TRPM1: variants seen among roughly 807,000 people sequenced by gnomAD.
The protein encoded by TRPM1 is TRPM1-203 APA Isoform, Intron 10.
In TRPM1, 113 loss-of-function variants were observed where a neutral mutation model predicts 149.4. The ratio of observed to expected loss-of-function variants is 0.76; its 90% confidence interval spans 0.65 to 0.88. The LOEUF (loss-of-function observed/expected upper bound fraction) is 0.88, where lower values mean the gene tolerates loss of function less well. TRPM1 is among the 40% of genes least tolerant of loss of function. The probability of loss-of-function intolerance (pLI) is 0.00; values close to 1 mark genes in which losing one functional copy is unlikely to be tolerated. For synonymous variants in TRPM1, 741 were observed against 759.5 expected, an observed-to-expected ratio of 0.98 and a Z score of 0.40; for missense variants, 1,976 against 2,038.7, an observed-to-expected ratio of 0.97 and a Z score of 0.59.
At chr15:31,057,128 G>A (rs1199827890) in intron 11 of TRPM1, among the ~76,000 whole-genome samples, 3 of 152,180 alleles carry the variant, frequency 2.0e-5, no homozygotes, top group African/African-American at 7.2e-5. Flanking sequence ...GAAGATGGGG[G>A]TAGGAACTCA....
At chr15:31,060,118 T>TACAGACAC in intron 11 of TRPM1, 1 of 126,122 alleles carries the variant, frequency 7.9e-6, no homozygotes, top group Non-Finnish European at 1.5e-5. Context: ...TATACACACA[T>TACAGACAC]ACAGACACAC....
chr15:31,140,212 C>CAAAA lies in TRPM1; in HGVS notation c.54+20690_54+20693dup, dbSNP rs34651089. Among the ~76,000 whole-genome samples, 209 of 103,178 alleles carry CAAAA rather than the reference C, an allele frequency of 2.0e-3. 2 individuals carry two copies. The highest frequency in any genetic ancestry group is 5.3e-3 in the Admixed American group (50 of 9,514). The allele number at this position is 103,178 out of a possible 152,430, so 67.7% of individuals were successfully genotyped here. Reference sequence around the variant, plus strand: ...TGAAACTCTGTCTCTACTAAAAATACAAAAAAAAAAAAAAAAATTAGCCGG... The same window carrying CAAAA: ...TGAAACTCTGTCTCTACTAAAAATACAAAAAAAAAAAAAAAAAAAAATTAGCCGG... On this transcript the variant is annotated intron_variant, in intron 1 of 26. Transcript: ENST00000542188.
At chr15:31,113,068 G>A (rs997353067) in intron 1 of TRPM1, among the ~76,000 whole-genome samples, 1 of 152,166 alleles carries the variant, frequency 6.6e-6, no homozygotes, top group Non-Finnish European at 1.5e-5. Flanking sequence ...GCTGGAGCAG[G>A]TTCCTGACAG....
At chr15:31,088,728 G>A (rs907961059) in intron 1 of TRPM1, among the ~76,000 whole-genome samples, 10 of 151,454 alleles carry the variant, frequency 6.6e-5, no homozygotes, top group African/African-American at 2.2e-4. Context: ...TGACTGAAGC[G>A]GCGGTATTCG....
chr15:31,102,297 C>T (rs764189558), upstream of TRPM1, among the ~76,000 whole-genome samples: 2 of 152,194 alleles, frequency 1.3e-5, no homozygotes, highest in African/African-American at 2.4e-5. Flanking sequence ...AAAACCACCA[C>T]GGTGGGAGCT....
Position 31,001,494 on chromosome 15 carries a change from T to C in TRPM1, c.*328A>G. Reference sequence around the variant, plus strand: ...GTTGCTTACTTCTTAAGTGACCTAATGGTGACTTCAGTGCTCGAGGGCACT... The same window carrying C: ...GTTGCTTACTTCTTAAGTGACCTAACGGTGACTTCAGTGCTCGAGGGCACT... On this transcript the variant is annotated 3_prime_UTR_variant, in exon 28 of 28. Coordinates refer to ENST00000256552, the MANE Select transcript of TRPM1 (RefSeq NM_001252024.2). The C allele has an allele frequency of 2.9e-6, 1 of 339,050 alleles. No individual in the cohort carries two copies. The highest frequency in any genetic ancestry group is 5.5e-6 in the Non-Finnish European group (1 of 183,118). 21.0% of individuals were successfully genotyped at this position (339,050 alleles called of 1,614,324 possible). A position where few individuals can be genotyped will look rare whatever the true frequency, so the allele number is the denominator to read the frequency against.
intron 25 of TRPM1, among the ~76,000 whole-genome samples, chr15:31,027,930 GA>G (rs199690310): frequency 0.048 from 7,345 of 151,922 alleles, 229 homozygotes; most frequent in South Asian, 0.13. Flanking sequence ...TAAATGATCA[GA>G]AAAAAATGCT....
chr15:31,105,992 T>C (rs940477287), upstream of TRPM1, among the ~76,000 whole-genome samples: 1 of 152,268 alleles, frequency 6.6e-6, no homozygotes, highest in East Asian at 1.9e-4. Flanking sequence ...GGAATTAGTT[T>C]TTAAATATAA....
chr15:31,110,873 T>C (rs1206935594), intron 1 of TRPM1, among the ~76,000 whole-genome samples: 1 of 151,132 alleles, frequency 6.6e-6, no homozygotes, highest in East Asian at 1.9e-4. Context: ...CTTTTCTTTC[T>C]TCTTTCTTTC....
At chr15:31,108,219 C>T (rs894612542) in intron 1 of TRPM1, among the ~76,000 whole-genome samples, 1 of 152,114 alleles carries the variant, frequency 6.6e-6, no homozygotes, top group African/African-American at 2.4e-5. Context: ...ACATACTTTG[C>T]ATGGCTTTAA....
In TRPM1 at chr15:31,077,676, G is replaced by A. The variant is rs150664588; in HGVS notation, c.4-692C>T. On this transcript the variant is annotated intron_variant, in intron 2 of 27. Transcript: ENST00000256552. Reference sequence around the variant, plus strand: ...GGCAGGGAGAGAGCCAGCACCCTTCGCTGGATCTCCATGAGGCCTGGCTCA... The same window carrying A: ...GGCAGGGAGAGAGCCAGCACCCTTCACTGGATCTCCATGAGGCCTGGCTCA... Among the ~76,000 whole-genome samples the A allele has an allele frequency of 1.4e-3, 208 of 152,212 alleles. 1 individual carries two copies. The highest frequency in any genetic ancestry group is 4.7e-3 in the African/African-American group (196 of 41,522).
intron 1 of TRPM1, among the ~76,000 whole-genome samples, chr15:31,113,001 G>C (rs1256675977): frequency 6.6e-6 from 1 of 152,178 alleles, no homozygotes; most frequent in Admixed American, 6.5e-5. Context: ...AACCATCTGA[G>C]GTGCCGGTAA....
chr15:31,061,651 T>C, intron 9 of TRPM1, 137 bp from the exon 10 acceptor site: 1 of 731,102 alleles, frequency 1.4e-6, no homozygotes, highest in Admixed American at 2.5e-5. Context: ...GCAAGTGCTG[T>C]TGATTTCTTT....
chr15:31,085,953 G>A (rs970073759), intron 1 of TRPM1, among the ~76,000 whole-genome samples: 1 of 152,204 alleles, frequency 6.6e-6, no homozygotes, highest in African/African-American at 2.4e-5. Context: ...ACTGATGGGT[G>A]TAGGATGTCC....
At chr15:31,113,279 C>T (rs930899159) in intron 1 of TRPM1, among the ~76,000 whole-genome samples, 1 of 152,202 alleles carries the variant, frequency 6.6e-6, no homozygotes, top group African/African-American at 2.4e-5. Flanking sequence ...CTGATTCTGC[C>T]TGCTCCTCCC....
At chr15:31,155,185 G>A (rs1226949942) in intron 1 of TRPM1, among the ~76,000 whole-genome samples, 2 of 152,120 alleles carry the variant, frequency 1.3e-5, no homozygotes, top group East Asian at 1.9e-4. Context: ...CACTCTCTGG[G>A]AAATGGAGGT....
In TRPM1 at chr15:31,029,581, TAGA is replaced by T. The variant is rs1415594097; in HGVS notation, c.3128-193_3128-191del. Among the ~76,000 whole-genome samples the T allele has an allele frequency of 3.9e-5, 6 of 152,240 alleles. No individual in the cohort carries two copies. In the South Asian group the frequency reaches 1.2e-3, roughly 31 times the overall value. On this transcript the variant is annotated intron_variant, in intron 23 of 27. Coordinates refer to ENST00000256552, the MANE Select transcript of TRPM1 (RefSeq NM_001252024.2). ...TCACACTTAGAAACAGTGATCTGTTTAGAAGAATTACATACATTAATCATTCTA... is the reference window on the plus strand; with the variant it reads ...TCACACTTAGAAACAGTGATCTGTTTAGAATTACATACATTAATCATTCTA...
intron 16 of TRPM1, 55 bp downstream of exon 16, chr15:31,046,149 G>A: frequency 6.4e-7 from 1 of 1,557,776 alleles, no homozygotes; most frequent in African/African-American, 1.4e-5. Context: ...ACTTAAAAGG[G>A]CTATGTATAT....
rs77341050 is a variant in TRPM1 at position 31,133,067 on chromosome 15, A to T, written c.54+27839T>A. Among the ~76,000 whole-genome samples the T allele has an allele frequency of 5.4e-3, 815 of 152,332 alleles. 3 individuals are homozygous for T. The highest frequency in any genetic ancestry group is 0.018 in the African/African-American group (729 of 41,570). ...GCAGATGCATTTCACTCATTTTGTC[A>T]TGAATCCTCTTCAGACAGTCTCTGT... On this transcript the variant is annotated intron_variant, in intron 1 of 26. Transcript: ENST00000542188.
Sources: gnomAD v4.1 joint callset for allele counts (sites outside exome capture counted in the v4.1 genomes callset) on GRCh38, gnomAD v4.1.1 for gene constraint, MANE v1.5 for transcripts, NCBI Gene and HGNC (gene_info 2026-07-23, HGNC 2026-07-21) for gene names.